Variants in CHM observed in about 807,000 individuals in gnomAD.
CHM encodes CHM Rab escort protein, also known as rab proteins geranylgeranyltransferase component A 1.
A neutral mutation model predicts 49.0 loss-of-function variants in CHM; 10 were observed. That is an observed-to-expected ratio of 0.20 (90% CI 0.13 to 0.35). CHM has a LOEUF of 0.35. CHM is among the 10% of genes least tolerant of loss of function. The pLI, the probability that CHM is intolerant of heterozygous loss-of-function variation, is 1.00. For synonymous variants in CHM, 184 were observed against 167.5 expected, an observed-to-expected ratio of 1.10 and a Z score of -0.76; for missense variants, 455 against 478.4, an observed-to-expected ratio of 0.95 and a Z score of 0.46.
chrX:85,978,968 CTT>C (rs1374683448), intron 3 of CHM, 77 bp from the exon 4 acceptor site: 10 of 1,035,765 alleles, frequency 9.7e-6, no homozygotes, highest in Non-Finnish European at 9.2e-6. Flanking sequence ...AAATTTACCT[CTT>C]GTCTAAATTC....
chrX:85,953,342 A>G (rs1345213635), intron 8 of CHM, among the ~76,000 whole-genome samples: 2 of 111,798 alleles, frequency 1.8e-5, no homozygotes. Flanking sequence ...TAAAATGTCC[A>G]TACTATGCTA....
chrX:85,944,327 T>C (rs1929287011), intron 8 of CHM, among the ~76,000 whole-genome samples: 1 of 111,965 alleles, frequency 8.9e-6, no homozygotes, highest in African/African-American at 3.2e-5. Flanking sequence ...GTAAAATGTA[T>C]TGACTCTGCA....
chrX:85,971,622 A>G (rs764759234), intron 4 of CHM: 3 of 284,860 alleles, frequency 1.1e-5, no homozygotes, highest in South Asian at 6.5e-5. Flanking sequence ...TATTGCAAAG[A>G]GCAAAAGAGC....
At chrX:85,963,473 T>C (rs1316847859) in intron 5 of CHM, among the ~76,000 whole-genome samples, 192 bp downstream of exon 5, 1 of 112,554 alleles carries the variant, frequency 8.9e-6, no homozygotes, top group African/African-American at 3.2e-5. Context: ...AAAAACATAA[T>C]TAAAGCATTT....
At chrX:86,014,417 G>A (rs193126053) in intron 2 of CHM, among the ~76,000 whole-genome samples, 1 of 112,347 alleles carries the variant, frequency 8.9e-6, no homozygotes, top group Non-Finnish European at 1.9e-5. Flanking sequence ...GTTACCAGAA[G>A]GAAAAGAGAA....
intron 2 of CHM, among the ~76,000 whole-genome samples, chrX:86,025,190 C>T (rs1408011365): frequency 1.8e-5 from 2 of 111,547 alleles, no homozygotes; most frequent in African/African-American, 6.5e-5. Flanking sequence ...AGAAAAGTTT[C>T]GTCACTTTGA....
At position 86,013,733 on chromosome X, in the gene CHM, C is replaced by CAAAAAAAAAAAAAAGA. The variant is rs61357908; in HGVS notation, c.116+13757_116+13758insTCTTTTTTTTTTTTTT. Among the ~76,000 whole-genome samples, 105 of 78,453 alleles carry CAAAAAAAAAAAAAAGA rather than the reference C, an allele frequency of 1.3e-3. 1 individual carries two copies. The highest frequency in any genetic ancestry group is 4.6e-3 in the African/African-American group (103 of 22,213). The allele number at this position is 78,453 out of a possible 115,157, so 68.1% of individuals were successfully genotyped here. A position where few individuals can be genotyped will look rare whatever the true frequency, so the allele number is the denominator to read the frequency against. On this transcript the variant is annotated intron_variant, in intron 2 of 14. Transcript: ENST00000357749. ...CTGGCAATGGAACAAGACTTCGTCT[C>CAAAAAAAAAAAAAAGA]AAAAAAAAAAAAGAAAAGAAAAACA...
At chrX:85,926,951 T>C (rs1409268347) in intron 8 of CHM, among the ~76,000 whole-genome samples, 1 of 112,138 alleles carries the variant, frequency 8.9e-6, no homozygotes, top group African/African-American at 3.2e-5. Flanking sequence ...AATACCAAGA[T>C]AATCTTCATA....
At chrX:85,872,983 C>T in intron 14 of CHM, 69 bp downstream of exon 14, 2 of 1,068,275 alleles carry the variant, frequency 1.9e-6, no homozygotes, top group Non-Finnish European at 2.6e-6. Context: ...TCTCTCCTCC[C>T]AGAGGAAAAA....
At chrX:85,966,583 A>G (rs1407280045) in intron 4 of CHM, among the ~76,000 whole-genome samples, 2 of 111,729 alleles carry the variant, frequency 1.8e-5, no homozygotes, top group Non-Finnish European at 3.8e-5. Context: ...CACTTTTATT[A>G]TCTTGAAAAC....
In CHM at chrX:86,001,998, G is replaced by A. The variant is rs1028423794; in HGVS notation, c.117-20189C>T. Among the ~76,000 whole-genome samples, 3 of 110,954 alleles carry A rather than the reference G, an allele frequency of 2.7e-5. No individual in the cohort carries two copies. The Admixed American group carries it at 2.9e-4, about 11-fold the overall frequency. ...AAGCAAAGACCACTACCTCTCTACC[G>A]AATCTCCCATCTCCCACAGGTGGAT... On this transcript the variant is annotated intron_variant, in intron 2 of 14. Coordinates refer to ENST00000357749, the MANE Select transcript of CHM (RefSeq NM_000390.4).
intron 2 of CHM, among the ~76,000 whole-genome samples, chrX:86,023,709 T>C (rs1933699559): frequency 8.9e-6 from 1 of 111,857 alleles, no homozygotes; most frequent in African/African-American, 3.3e-5. Flanking sequence ...TCAAGGTTAC[T>C]GACTGCATAC....
chrX:85,903,524 G>A, intron 9 of CHM: 2 of 377,570 alleles, frequency 5.3e-6, no homozygotes, highest in South Asian at 4.9e-5. Flanking sequence ...GCAAGTATGG[G>A]GGTTTGGGAG....
At chrX:85,938,677 C>A (rs898057824) in intron 8 of CHM, among the ~76,000 whole-genome samples, 20 of 109,652 alleles carry the variant, frequency 1.8e-4, no homozygotes, top group Admixed American at 1.7e-3. Flanking sequence ...ATTTGGCATG[C>A]AATTTCAGGG....
chrX:86,033,538 C>T (rs1934120799), intron 1 of CHM, among the ~76,000 whole-genome samples: 1 of 111,972 alleles, frequency 8.9e-6, no homozygotes, highest in South Asian at 3.6e-4. Context: ...GCAAGGAAAA[C>T]TTGATTGAGC....
chrX:85,942,904 TC>T (rs1330220991), intron 8 of CHM, among the ~76,000 whole-genome samples: 31 of 60,663 alleles, frequency 5.1e-4, no homozygotes, highest in African/African-American at 1.9e-3. Flanking sequence ...ATGCTATCCC[TC>T]CCCCCTCCCC....
intron 2 of CHM, among the ~76,000 whole-genome samples, chrX:86,019,362 A>C (rs1933441807): frequency 8.9e-6 from 1 of 112,093 alleles, no homozygotes; most frequent in Non-Finnish European, 1.9e-5. Context: ...AGCAAAAAAG[A>C]AGGCTTAAAA....
chrX:85,959,380 A>AT (rs113302149), intron 5 of CHM, among the ~76,000 whole-genome samples: 24,091 of 109,945 alleles, frequency 0.22, 2,117 homozygotes, highest in Non-Finnish European at 0.25. Flanking sequence ...TTTCTAAAAT[A>AT]TATTTTTTTA....
chrX:85,991,814 G>A (rs751241261), intron 2 of CHM, among the ~76,000 whole-genome samples: 4 of 110,872 alleles, frequency 3.6e-5, no homozygotes, highest in Admixed American at 9.7e-5. Flanking sequence ...GTTGAGAAAC[G>A]CTGGCTTAAT....
Sources: allele counts gnomAD v4.1 joint callset (sites outside exome capture counted in the v4.1 genomes callset), GRCh38; gene constraint gnomAD v4.1.1; transcripts MANE v1.5; gene names NCBI Gene and HGNC (gene_info 2026-07-23, HGNC 2026-07-21).